CIT: variants seen among roughly 807,000 people sequenced by gnomAD.
CIT encodes the protein citron Rho-interacting kinase.
In CIT, 79 loss-of-function variants were observed where a neutral mutation model predicts 272.7. That is an observed-to-expected ratio of 0.29 (90% CI 0.24 to 0.35). The LOEUF is 0.35. Ranked by LOEUF, CIT falls within the 10% of genes least tolerant of loss-of-function variation. CIT has a pLI of 1.00. For synonymous variants in CIT, 948 were observed against 995.6 expected, an observed-to-expected ratio of 0.95 and a Z score of 0.90; for missense variants, 1,909 against 2,618.3, an observed-to-expected ratio of 0.73 and a Z score of 5.91.
chr12:119,861,595 AAAAAG>A (rs957340148), intron 3 of CIT, among the ~76,000 whole-genome samples: 13 of 152,148 alleles, frequency 8.5e-5, no homozygotes, highest in Admixed American at 1.3e-4. Flanking sequence ...CTCAAAAAAA[AAAAAG>A]AAAAGAAAAG....
intron 43 of CIT, 92 bp downstream of exon 43, chr12:119,701,532 G>A (rs1956577265): frequency 6.9e-7 from 1 of 1,446,622 alleles, no homozygotes; most frequent in Non-Finnish European, 9.4e-7. Flanking sequence ...AACCTATCCT[G>A]CCCCAGAGCT....
In CIT at chr12:119,686,132, CTCTT is replaced by C. The variant is rs1327909786; in HGVS notation, c.*2096_*2099del. On this transcript the variant is annotated 3_prime_UTR_variant, in exon 48 of 48. Transcript: ENST00000392521. ...AAAAAGTAGAAACCAATTCAATTTC[CTCTT>C]TTTTTTTTTACGAATATAAAGTTTC... The C allele has an allele frequency of 1.3e-5, 2 of 152,072 alleles. No individual in the cohort carries two copies. Among genetic ancestry groups the C allele is most frequent in the African/African-American group, 4.8e-5 (2 of 41,308 alleles). The allele number at this position is 152,072 out of a possible 1,614,324, so 9.4% of individuals were successfully genotyped here. A position where few individuals can be genotyped will look rare whatever the true frequency, so the allele number is the denominator to read the frequency against.
chr12:119,855,266 CA>C (rs1322522871), intron 4 of CIT, among the ~76,000 whole-genome samples: 1 of 151,628 alleles, frequency 6.6e-6, no homozygotes, highest in Non-Finnish European at 1.5e-5. Context: ...ACTAAAATTA[CA>C]AAAAAATTAG....
At chr12:119,738,196 A>G (rs2137284697) in intron 24 of CIT, among the ~76,000 whole-genome samples, 1 of 152,256 alleles carries the variant, frequency 6.6e-6, no homozygotes, top group Admixed American at 6.5e-5. Flanking sequence ...CCTGAACCAT[A>G]CTGCCTGTCT....
In CIT at chr12:119,716,756, AATTTCTCC is replaced by A. The variant is rs1031871254; in HGVS notation, c.4168+1481_4168+1488del. Among the ~76,000 whole-genome samples the A allele has an allele frequency of 1.1e-4, 16 of 152,278 alleles. No homozygotes were observed. In the South Asian group the frequency reaches 1.2e-3, roughly 12 times the overall value. ...TTAACCCAGTGATTCATTTCCCAGG[AATTTCTCC>A]AGGCACAACACCCACAGAGGCACAG... On this transcript the variant is annotated intron_variant, in intron 32 of 47. Transcript: ENST00000392521.
At chr12:119,765,081 T>C (rs1381233117) in intron 19 of CIT, among the ~76,000 whole-genome samples, 1 of 152,106 alleles carries the variant, frequency 6.6e-6, no homozygotes, top group African/African-American at 2.4e-5. Context: ...GTGCTGGGAT[T>C]ACAGGCGTGA....
intron 22 of CIT, among the ~76,000 whole-genome samples, chr12:119,756,524 G>A (rs1396500796): frequency 6.6e-6 from 1 of 152,142 alleles, no homozygotes; most frequent in African/African-American, 2.4e-5. Flanking sequence ...TCCTTGGCCC[G>A]CGGCCCATCC....
chr12:119,857,795 G>C (rs1806302712), intron 3 of CIT, 97 bp from the exon 4 acceptor site: 6 of 1,099,232 alleles, frequency 5.5e-6, no homozygotes, highest in Non-Finnish European at 7.8e-6. Flanking sequence ...CATTCGGATA[G>C]CTTCCCTCAC....
At chr12:119,736,431 T>A (rs1040924530) in intron 24 of CIT, among the ~76,000 whole-genome samples, 18 of 151,952 alleles carry the variant, frequency 1.2e-4, no homozygotes, top group Admixed American at 9.8e-4. Flanking sequence ...AGAACATCAA[T>A]TAAGTACACT....
At chr12:119,772,275 G>T (rs558756402) in intron 17 of CIT, among the ~76,000 whole-genome samples, 2 of 152,278 alleles carry the variant, frequency 1.3e-5, no homozygotes, top group Admixed American at 1.3e-4. Flanking sequence ...GCACTCATGT[G>T]GTTCTGGTAA....
intron 10 of CIT, among the ~76,000 whole-genome samples, chr12:119,798,895 A>T (rs1471900506): frequency 2.0e-5 from 3 of 152,228 alleles, no homozygotes; most frequent in Admixed American, 6.5e-5. Context: ...GTACCATGAT[A>T]TTCTGCAGCA....
chr12:119,812,277 G>A (rs1306861533), intron 9 of CIT, among the ~76,000 whole-genome samples: 3 of 151,990 alleles, frequency 2.0e-5, no homozygotes, highest in Non-Finnish European at 4.4e-5. Context: ...TAATAGCAAA[G>A]GAGCTAGTTC....
At chr12:119,769,656 C>T (rs866590918) in intron 18 of CIT, among the ~76,000 whole-genome samples, 3 of 152,048 alleles carry the variant, frequency 2.0e-5, no homozygotes, top group African/African-American at 4.8e-5. Flanking sequence ...ACTTTGATGA[C>T]GGAACAAGAG....
In CIT at chr12:119,713,178, C is replaced by G; in HGVS notation, c.4579+25G>C. ...GACCTGGGTTAGCCACGTGCAATGA[C>G]CTTCCCCCTGAATTATTAATTTACC... On this transcript the variant is annotated intron_variant, in intron 35 of 47. Coordinates refer to ENST00000392521, the MANE Select transcript of CIT (RefSeq NM_001206999.2). This position sits in a 1 kb window ranked among gnomAD's most constrained non-coding sequence, Gnocchi z 5.2. 1 of 1,591,554 alleles carries G rather than the reference C, an allele frequency of 6.3e-7. No homozygotes were observed. The highest frequency in any genetic ancestry group is 8.6e-7 in the Non-Finnish European group (1 of 1,160,594).
intron 21 of CIT, 71 bp downstream of exon 21, chr12:119,758,520 A>G: frequency 1.1e-6 from 1 of 933,200 alleles, no homozygotes; most frequent in Non-Finnish European, 1.8e-6. Context: ...CAAACAGAAG[A>G]AGGGAGTTTA....
At position 119,758,499 on chromosome 12, in the gene CIT, T is replaced by C. The variant is rs1961324685; in HGVS notation, c.2531+92A>G. 6 of 823,238 alleles carry C rather than the reference T, an allele frequency of 7.3e-6. No individual in the cohort carries two copies. The South Asian group carries it at 8.6e-5, about 12-fold the overall frequency. 51.0% of individuals were successfully genotyped at this position (823,238 alleles called of 1,614,324 possible). On this transcript the variant is annotated intron_variant, in intron 21 of 47. Transcript: ENST00000392521. ...GAGCTACAGAAGTCATTCAATCCAC[T>C]CCAGCTCCATCAAACAGAAGAAGGG...
chr12:119,748,564 C>T (rs1959773955), intron 23 of CIT, among the ~76,000 whole-genome samples: 1 of 152,214 alleles, frequency 6.6e-6, no homozygotes, highest in African/African-American at 2.4e-5. Context: ...GATTTCACAT[C>T]TTGGCTATCA....
intron 46 of CIT, among the ~76,000 whole-genome samples, chr12:119,692,980 A>T (rs1956040946): frequency 6.6e-6 from 1 of 152,200 alleles, no homozygotes; most frequent in African/African-American, 2.4e-5. Flanking sequence ...AAAAAAATAA[A>T]TTCCGAGTAG....
chr12:119,799,959 G>A (rs1966053389), intron 10 of CIT, among the ~76,000 whole-genome samples: 1 of 151,706 alleles, frequency 6.6e-6, no homozygotes, highest in African/African-American at 2.4e-5. Context: ...CCGTTCTAGA[G>A]TTTATACTTA....
Sources: gnomAD v4.1 joint callset for allele counts (sites outside exome capture counted in the v4.1 genomes callset) on GRCh38, gnomAD v4.1.1 for gene constraint, Gnocchi (gnomAD v3.1) non-coding constraint, MANE v1.5 for transcripts, NCBI Gene and HGNC (gene_info 2026-07-23, HGNC 2026-07-21) for gene names.